Variants in ZNF729 observed in about 807,000 individuals in gnomAD.
ZNF729 encodes the protein zinc finger protein 729.
In ZNF729, 15 loss-of-function variants were observed where a neutral mutation model predicts 12.2. That is an observed-to-expected ratio of 1.23 (90% CI 0.82 to 1.89). The LOEUF (loss-of-function observed/expected upper bound fraction) is 1.89, where lower values mean the gene tolerates loss of function less well. Among genes scored for constraint, ZNF729 ranks in the 40% most tolerant of loss-of-function variants. The pLI is 0.00. For missense variants in ZNF729, 1,540 were observed against 1,456.7 expected (o/e 1.06, Z -0.93); for synonymous variants, 492 against 476.3 (o/e 1.03, Z -0.43).
chr19:22,293,581 C>T (rs1968185576), intron 1 of ZNF729, among the ~76,000 whole-genome samples: 1 of 146,058 alleles, frequency 6.8e-6, no homozygotes, highest in East Asian at 2.0e-4. Flanking sequence ...CAACCTCCGC[C>T]TCCTGGGTTC....
chr19:22,308,528 A>T (rs1248171533), intron 3 of ZNF729, among the ~76,000 whole-genome samples: 1 of 151,378 alleles, frequency 6.6e-6, no homozygotes, highest in Non-Finnish European at 1.5e-5. Flanking sequence ...ACACACCAAC[A>T]TCTACTGTTT....
chr19:22,299,823 C>T (rs1234814160), intron 1 of ZNF729: 1 of 152,224 alleles, frequency 6.6e-6, no homozygotes, highest in African/African-American at 2.4e-5. Flanking sequence ...CCCCAGGAGG[C>T]CTGCAGGCTC....
chr19:22,286,778 G>A (rs2145036577), intron 1 of ZNF729, among the ~76,000 whole-genome samples: 1 of 152,318 alleles, frequency 6.6e-6, no homozygotes, highest in South Asian at 2.1e-4. Context: ...ACTGTGCCCT[G>A]GCCTGGAGCC....
chr19:22,315,933 T>A lies in ZNF729; in HGVS notation c.2516T>A (p.Leu839His). ...AAAGCTTTTAAGCATTTCTCAGCCC[T>A]TAGAAAACATAAGGTAATTCATACT... ...CGKAFKHFSALRKHKVIHTGK... is the reference protein window; with the variant it reads ...CGKAFKHFSAHRKHKVIHTGK... The change falls in exon 4 of 4, where the codon CTT becomes CAT. Residue 839 changes from leucine to histidine, a missense_variant. By Grantham distance (99) the Leu-to-His change is moderately conservative. Coordinates refer to ENST00000601693, the MANE Select transcript of ZNF729 (RefSeq NM_001242680.2). 2 of 1,610,792 alleles carry A rather than the reference T, an allele frequency of 1.2e-6. No individual in the cohort carries two copies. The highest frequency in any genetic ancestry group is 1.7e-6 in the Non-Finnish European group (2 of 1,179,614).
chr19:22,293,666 G>A (rs920156934), intron 1 of ZNF729, among the ~76,000 whole-genome samples: 1 of 151,086 alleles, frequency 6.6e-6, no homozygotes, highest in Non-Finnish European at 1.5e-5. Context: ...CTAATTTTTT[G>A]TATTTTTAGT....
rs750811456 is a variant in ZNF729, at chr19:22,316,701, A to C, written c.3284A>C (p.Lys1095Thr). 9.9e-6 allele frequency: 16 copies of C among 1,612,762 alleles called. No individual in the cohort carries two copies. Among genetic ancestry groups the C allele is most frequent in the African/African-American group, 1.3e-5 (1 of 74,884 alleles). Residue 1095 changes from lysine (K) to threonine (T), a missense_variant, in exon 4 of 4, where the codon AAG (lysine) becomes ACG (threonine). By Grantham distance (78) the Lys-to-Thr change is moderately conservative (BLOSUM62 -1). Transcript: ENST00000601693. ...FKHFSALRKH[K>T]VIHTGKKPYQ... ...CATTTCTCAGCCCTTAGAAAACATA[A>C]GGTAATTCATACTGGAAAGAAACCC... is the stretch of plus-strand genomic sequence containing the variant.
intron 1 of ZNF729, among the ~76,000 whole-genome samples, chr19:22,289,282 G>T (rs1968122319): frequency 6.8e-6 from 1 of 147,662 alleles, no homozygotes; most frequent in African/African-American, 2.5e-5. Context: ...CTGGAGTGCA[G>T]TGGCGCAATC....
intron 1 of ZNF729, among the ~76,000 whole-genome samples, chr19:22,288,290 G>T (rs75982401): frequency 6.8e-6 from 1 of 147,228 alleles, no homozygotes; most frequent in African/African-American, 2.5e-5. Flanking sequence ...CTGACACTGC[G>T]TTGTAAAAAG....
At chr19:22,302,688 A>G (rs773768659) in intron 1 of ZNF729, among the ~76,000 whole-genome samples, 1 of 152,310 alleles carries the variant, frequency 6.6e-6, no homozygotes, top group African/African-American at 2.4e-5. Flanking sequence ...AGAATTCTAC[A>G]TAGGGTCCAC....
At chr19:22,289,377 C>T (rs537037704) in intron 1 of ZNF729, among the ~76,000 whole-genome samples, 6 of 151,856 alleles carry the variant, frequency 4.0e-5, no homozygotes, top group African/African-American at 1.5e-4. Flanking sequence ...AGGCGCCCGC[C>T]ACCACACCCG....
At chr19:22,297,348 T>G (rs1474746904) in intron 1 of ZNF729, among the ~76,000 whole-genome samples, 3 of 151,720 alleles carry the variant, frequency 2.0e-5, no homozygotes, top group African/African-American at 7.2e-5. Context: ...GGATACTCCT[T>G]AGATTTTGAG....
intron 3 of ZNF729, among the ~76,000 whole-genome samples, chr19:22,307,255 C>G (rs1968389825): frequency 6.7e-6 from 1 of 149,792 alleles, no homozygotes; most frequent in South Asian, 2.1e-4. Flanking sequence ...ATCTGACTGC[C>G]TTGGCCTCCT....
At chr19:22,304,600 A>G (rs553386138) in intron 2 of ZNF729, 88 bp from the exon 3 acceptor site, 73 of 1,146,412 alleles carry the variant, frequency 6.4e-5, no homozygotes, top group Non-Finnish European at 6.1e-5. Context: ...GGATCAATTT[A>G]CTAGAATATT....
rs751775823 is a variant in ZNF729 at position 22,315,667 on chromosome 19, G to A, written c.2250G>A (p.Lys750=). The A allele has an allele frequency of 5.0e-6, 8 of 1,606,908 alleles. No individual in the cohort carries two copies. Among genetic ancestry groups the A allele is most frequent in the Non-Finnish European group, 6.8e-6 (8 of 1,178,746 alleles). ...GTGAAGAATGTGGCAAATCTTTTAA[G>A]CATTTCTCAGCCCTTAGAAAACATA... ...CKCEECGKSF[K]HFSALRKHKV... Residue 750 remains lysine, a synonymous_variant, in exon 4 of 4, where the codon AAG becomes AAA. Transcript: ENST00000601693.
chr19:22,298,241 A>G (rs912006618), intron 1 of ZNF729, among the ~76,000 whole-genome samples: 2 of 152,104 alleles, frequency 1.3e-5, no homozygotes, highest in Non-Finnish European at 2.9e-5. Flanking sequence ...CTTTGACTGA[A>G]TACTCATTAA....
In ZNF729 at chr19:22,304,794, G is replaced by A. The variant is rs1568574460; in HGVS notation, c.253+11G>A. 3.1e-6 allele frequency: 5 copies of A among 1,611,868 alleles called. No homozygotes were observed. The highest frequency in any genetic ancestry group is 4.2e-6 in the Non-Finnish European group (5 of 1,178,922). The stretch of plus-strand genomic sequence containing the variant: ...TAACTAAACCCCCAGGTATGTGAGA[G>A]TGAATACAACAGACAACACAGATAA... On this transcript the variant is annotated intron_variant, in intron 3 of 3. Transcript: ENST00000601693.
intron 1 of ZNF729, among the ~76,000 whole-genome samples, chr19:22,291,663 C>T (rs1968156776): frequency 4.6e-5 from 7 of 152,162 alleles, no homozygotes; most frequent in Middle Eastern, 6.8e-3. Context: ...ACCTGGGCCA[C>T]TATCTGTAGC....
At position 22,314,628 on chromosome 19, in the gene ZNF729, A is replaced by G; in HGVS notation, c.1211A>G (p.Tyr404Cys). ...GTAGTTCATACTGGAGAGAAACCCT[A>G]CAAATGTGAAGAATGTGGCAAAGCT... is the stretch of plus-strand genomic sequence containing the variant. ...HKVVHTGEKP[Y>C]KCEECGKAFS... The change falls in exon 4 of 4, where the codon TAC becomes TGC. Residue 404 changes from tyrosine (Y) to cysteine (C), a missense_variant. Transcript: ENST00000601693. 1.9e-6 allele frequency: 3 copies of G among 1,612,320 alleles called. No homozygotes were observed. Among genetic ancestry groups the G allele is most frequent in the South Asian group, 1.1e-5 (1 of 91,066 alleles).
intron 1 of ZNF729, among the ~76,000 whole-genome samples, chr19:22,288,638 C>T (rs1968112475): frequency 6.6e-6 from 1 of 152,076 alleles, no homozygotes; most frequent in African/African-American, 2.4e-5. Context: ...AAAGCTAACC[C>T]TTGAGACATT....
Sources: allele counts gnomAD v4.1 joint callset (sites outside exome capture counted in the v4.1 genomes callset), GRCh38; gene constraint gnomAD v4.1.1; transcripts MANE v1.5; gene names NCBI Gene and HGNC (gene_info 2026-07-23, HGNC 2026-07-21).